The following TPTE2 variants were observed in gnomAD, a reference collection of about 807,000 sequenced individuals.
TPTE2 encodes the protein phosphatidylinositol 3,4,5-trisphosphate 3-phosphatase TPTE2.
A neutral mutation model predicts 78.6 loss-of-function variants in TPTE2; 53 were observed. The observed-to-expected ratio is 0.67, with a 90% CI of 0.54 to 0.85. The LOEUF is 0.85. Among genes scored for constraint, TPTE2 ranks in the 40% least tolerant of loss-of-function variants. TPTE2 has a pLI of 0.00. For missense variants in TPTE2, 461 were observed against 623.0 expected (o/e 0.74, Z 2.77); for synonymous variants, 175 against 206.2 (o/e 0.85, Z 1.30).
chr13:19,547,155 A>G, the TPTE2 span, among the ~76,000 whole-genome samples: 1 of 152,000 alleles, frequency 6.6e-6, no homozygotes, highest in African/African-American at 2.4e-5. Context: ...AAGCATTCTC[A>G]ACAACATAAG....
At chr13:19,503,799 GC>G (rs1191638122), upstream of TPTE2, among the ~76,000 whole-genome samples, 1 of 152,180 alleles carries the variant, frequency 6.6e-6, no homozygotes, top group Admixed American at 6.5e-5. Context: ...AGGGTTGTTA[GC>G]TTTTTTCTCT....
exon 20 of TPTE2, chr13:19,422,915 A>G (rs991881472): frequency 2.5e-6 from 2 of 802,040 alleles, no homozygotes; most frequent in African/African-American, 3.7e-5. Context: ...TGAAGAACAT[A>G]TATAAACATA....
intron 10 of TPTE2, among the ~76,000 whole-genome samples, chr13:19,458,100 G>T (rs1010618203): frequency 3.3e-5 from 5 of 152,128 alleles, no homozygotes; most frequent in Non-Finnish European, 5.9e-5. Context: ...TAAGTTTTAA[G>T]ATGGTACTCA....
upstream of TPTE2, among the ~76,000 whole-genome samples, chr13:19,506,160 CT>C (rs71092369): frequency 9.1e-5 from 3 of 32,860 alleles, no homozygotes; most frequent in African/African-American, 2.3e-4. Context: ...GTATATAAAT[CT>C]TTTTTTTTTT....
chr13:19,448,430 A>C (rs1398208559), intron 13 of TPTE2, among the ~76,000 whole-genome samples: 1 of 152,188 alleles, frequency 6.6e-6, no homozygotes, highest in Non-Finnish European at 1.5e-5. Context: ...TACATTCGAT[A>C]ATAGGTTAAC....
At chr13:19,511,255 A>C (rs1869421031) in intron 1 of TPTE2, among the ~76,000 whole-genome samples, 1 of 152,218 alleles carries the variant, frequency 6.6e-6, no homozygotes, top group African/African-American at 2.4e-5. Flanking sequence ...TTTTCATACC[A>C]GTTAAAAGCA....
At chr13:19,513,540 A>G (rs1279225235) in intron 1 of TPTE2, among the ~76,000 whole-genome samples, 2 of 152,204 alleles carry the variant, frequency 1.3e-5, no homozygotes, top group East Asian at 3.9e-4. Flanking sequence ...AAAGGTAAAT[A>G]GCAAGAAACA....
rs191160099 is a variant in TPTE2 at position 19,523,508 on chromosome 13, C to T, written c.-44+13088G>A. 4.9e-4 allele frequency among the ~76,000 whole-genome samples: 74 copies of T among 152,212 alleles called. No homozygotes were observed. In the East Asian group the frequency reaches 0.014, roughly 29 times the overall value. ...TTTATTTTTTTGAAACAGAGTCTCGCTCTGTTGCCCATGCTGGAGTGCAGT... is the reference window on the plus strand; with the variant it reads ...TTTATTTTTTTGAAACAGAGTCTCGTTCTGTTGCCCATGCTGGAGTGCAGT... On this transcript the variant is annotated intron_variant, in intron 1 of 17. Transcript: ENST00000390680.
chr13:19,440,870 C>T (rs1342305853), intron 13 of TPTE2, among the ~76,000 whole-genome samples: 6 of 151,364 alleles, frequency 4.0e-5, no homozygotes, highest in Non-Finnish European at 7.4e-5. Flanking sequence ...GTGGATCACC[C>T]GAGGTCAGGA....
chr13:19,522,368 C>T (rs1870204219), intron 1 of TPTE2, among the ~76,000 whole-genome samples: 1 of 152,112 alleles, frequency 6.6e-6, no homozygotes, highest in Non-Finnish European at 1.5e-5. Context: ...AGGTTGCTAA[C>T]ATTTACAGTA....
At position 19,503,192 on chromosome 13, in the gene TPTE2, GATAA is replaced by G. The variant is rs749368078; in HGVS notation, c.11+28_11+31del. On this transcript the variant is annotated intron_variant, in intron 1 of 19. Coordinates refer to ENST00000400230, the Ensembl canonical transcript of TPTE2. ...ATACTTCTATGCTCAGTTATAATTA[GATAA>G]ATAAAGACACATGTATGCATAACTC... 4 of 1,613,088 alleles carry G rather than the reference GATAA, an allele frequency of 2.5e-6. No homozygotes were observed. The Admixed American group carries it at 5.0e-5, about 20-fold the overall frequency.
intron 1 of TPTE2, among the ~76,000 whole-genome samples, chr13:19,526,195 G>A (rs1002696492): frequency 4.6e-5 from 7 of 152,104 alleles, no homozygotes; most frequent in African/African-American, 1.4e-4. Flanking sequence ...TATACCCACA[G>A]GAATATAAAT....
intron 5 of TPTE2, among the ~76,000 whole-genome samples, chr13:19,474,488 T>C (rs1879819900): frequency 6.6e-6 from 1 of 152,222 alleles, no homozygotes; most frequent in Non-Finnish European, 1.5e-5. Context: ...TTAATCTGGA[T>C]AATTCTAAAG....
intron 1 of TPTE2, among the ~76,000 whole-genome samples, chr13:19,517,672 T>C (rs1002040932): frequency 6.6e-6 from 1 of 152,164 alleles, no homozygotes; most frequent in African/African-American, 2.4e-5. Context: ...TTACCTCGTA[T>C]TGAGAATAAG....
chr13:19,531,170 A>G (rs1227132111), intron 1 of TPTE2, among the ~76,000 whole-genome samples: 1 of 152,186 alleles, frequency 6.6e-6, no homozygotes. Context: ...TGTAGCATAT[A>G]TAAGAATTGT....
the TPTE2 span, among the ~76,000 whole-genome samples, chr13:19,556,128 G>A: frequency 3.9e-5 from 6 of 151,900 alleles, no homozygotes; most frequent in African/African-American, 1.5e-4. Flanking sequence ...ATTCCTTTCC[G>A]ATGCACGCTT....
At chr13:19,538,652 C>T (rs1338948992), upstream of TPTE2, among the ~76,000 whole-genome samples, 1 of 151,914 alleles carries the variant, frequency 6.6e-6, no homozygotes, top group Non-Finnish European at 1.5e-5. Context: ...CCTCAGCCTC[C>T]CGAATAACTG....
chr13:19,536,299 T>C (rs1871207997), intron 1 of TPTE2, among the ~76,000 whole-genome samples: 1 of 152,176 alleles, frequency 6.6e-6, no homozygotes, highest in African/African-American at 2.4e-5. Flanking sequence ...AAAATATGTA[T>C]AATATAATGT....
chr13:19,497,724 A>G (rs1394146848), intron 1 of TPTE2, among the ~76,000 whole-genome samples: 2 of 151,514 alleles, frequency 1.3e-5, no homozygotes, highest in South Asian at 4.2e-4. Flanking sequence ...AAAACTGGAA[A>G]CTCTAGAAAG....
Sources: allele counts gnomAD v4.1 joint callset (sites outside exome capture counted in the v4.1 genomes callset), GRCh38; gene constraint gnomAD v4.1.1; transcripts MANE v1.5; gene names NCBI Gene and HGNC (gene_info 2026-07-23, HGNC 2026-07-21).